Variants in FER1L5 observed in about 807,000 individuals in gnomAD.
FER1L5 encodes the protein fer-1-like protein 5.
Under a neutral mutation model 279.9 loss-of-function variants are expected in FER1L5, and 187 were observed. The observed-to-expected ratio is 0.67, with a 90% CI of 0.59 to 0.75. FER1L5 has a LOEUF of 0.75. FER1L5 is among the 30% of genes least tolerant of loss of function. FER1L5 has a pLI of 0.00. For missense variants in FER1L5, 2,091 were observed against 2,594.4 expected, an observed-to-expected ratio of 0.81 and a Z score of 4.21; for synonymous variants, 921 against 989.7, an observed-to-expected ratio of 0.93 and a Z score of 1.30.
At chr2:96,672,594 G>A (rs1223358790) in intron 18 of FER1L5, among the ~76,000 whole-genome samples, 3 of 152,072 alleles carry the variant, frequency 2.0e-5, no homozygotes, top group Non-Finnish European at 2.9e-5. Context: ...GAGAACAGCC[G>A]AAGTTGGGGG....
In FER1L5 at chr2:96,673,059, G is replaced by C. The variant is rs1157308423; in HGVS notation, c.1492-18G>C. On this transcript the variant is annotated intron_variant, in intron 18 of 52. Coordinates refer to ENST00000624922, the MANE Select transcript of FER1L5 (RefSeq NM_001293083.2). ...CTTATGTACTGGGTATGGGGGGTGG[G>C]GGCGGTTATTGTTTCAGAAGCACCA... 3.9e-6 allele frequency: 6 copies of C among 1,549,438 alleles called. No individual in the cohort carries two copies. The Admixed American group carries it at 7.9e-5, about 20-fold the overall frequency.
At chr2:96,686,404 G>A (rs2076927261) in intron 23 of FER1L5, 54 bp downstream of exon 23, 6 of 1,513,754 alleles carry the variant, frequency 4.0e-6, no homozygotes, top group Non-Finnish European at 5.3e-6. Context: ...GCCCCCAGGG[G>A]AGCCCCCTGA....
At position 96,684,424 on chromosome 2, in the gene FER1L5, C is replaced by T; in HGVS notation, c.1767C>T (p.Asn589=). ...EDVSFRMNCL[N]LLHFTRDRLK... is the part of the protein sequence containing the mutation. ...TCAGCTTCCGCATGAACTGCCTCAA[C>T]CTCCTCCACTTCACTCGGGACCGCC... Residue 589 remains asparagine (N), a synonymous_variant, in exon 20 of 53, where the codon AAC becomes AAT. Coordinates refer to ENST00000624922, the MANE Select transcript of FER1L5 (RefSeq NM_001293083.2). The T allele has an allele frequency of 1.3e-6, 2 of 1,551,632 alleles. No individual in the cohort carries two copies. Among genetic ancestry groups the T allele is most frequent in the Non-Finnish European group, 1.7e-6 (2 of 1,146,976 alleles).
intron 1 of FER1L5, among the ~76,000 whole-genome samples, chr2:96,644,398 C>A (rs1214116821): frequency 6.6e-6 from 1 of 151,676 alleles, no homozygotes; most frequent in African/African-American, 2.4e-5. Context: ...AGGAGAATGG[C>A]GTGAACCCGG....
intron 19 of FER1L5, among the ~76,000 whole-genome samples, chr2:96,683,806 G>A (rs1027360118): frequency 6.6e-6 from 1 of 152,200 alleles, no homozygotes; most frequent in African/African-American, 2.4e-5. Context: ...AGGCCAACTC[G>A]GCAGCAGTGC....
intron 39 of FER1L5, 58 bp downstream of exon 39, chr2:96,697,819 G>A: frequency 6.3e-7 from 1 of 1,577,636 alleles, no homozygotes; most frequent in African/African-American, 1.3e-5. Context: ...GAGGCCAGCA[G>A]AGCTAGCCTT....
At chr2:96,678,301 T>C (rs1442605970) in intron 19 of FER1L5, among the ~76,000 whole-genome samples, 1 of 152,084 alleles carries the variant, frequency 6.6e-6, no homozygotes, top group Non-Finnish European at 1.5e-5. Context: ...GGCTAGATTT[T>C]GTATTTTTCG....
chr2:96,651,237 C>CTCTG (rs1553446609), intron 6 of FER1L5, among the ~76,000 whole-genome samples: 2 of 128,518 alleles, frequency 1.6e-5, no homozygotes, highest in African/African-American at 6.0e-5. Context: ...TTCTTTCTTT[C>CTCTG]TCTTTCTTTC....
chr2:96,692,019 C>CA (rs1048996653), intron 30 of FER1L5, 56 bp downstream of exon 30: 18 of 890,256 alleles, frequency 2.0e-5, no homozygotes, highest in South Asian at 1.6e-4. Flanking sequence ...TACCCGAGGG[C>CA]GGGGGGGGGG....
Position 96,679,210 on chromosome 2 carries a change from T to C in FER1L5, c.1670-5117T>C, listed in dbSNP as rs1019193775. On this transcript the variant is annotated intron_variant, in intron 19 of 52. Transcript: ENST00000624922. ...AATTTTTTAAAAAATTAGCTGGGCA[T>C]GGCGACACACACCTATAGTTTTTTT... Among the ~76,000 whole-genome samples the C allele has an allele frequency of 2.0e-5, 3 of 151,078 alleles. No individual in the cohort carries two copies. In the East Asian group the frequency reaches 5.8e-4, roughly 29 times the overall value.
At chr2:96,679,364 C>T (rs2076631583) in intron 19 of FER1L5, among the ~76,000 whole-genome samples, 1 of 152,150 alleles carries the variant, frequency 6.6e-6, no homozygotes, top group Non-Finnish European at 1.5e-5. Flanking sequence ...GCTGAGATTA[C>T]AGGCGCGTGT....
chr2:96,700,026 C>G lies in FER1L5; in HGVS notation c.4876C>G (p.Pro1626Ala), dbSNP rs1180979269. 6.2e-7 allele frequency: 1 copy of G among 1,613,870 alleles called. No homozygotes were observed. Among genetic ancestry groups the G allele is most frequent in the Admixed American group, 1.7e-5 (1 of 60,004 alleles). ...RKGLPPPLFS[P>A]EEDAVFYNGK... ...AGGGCTACCTCCGCCTCTGTTCAGTCCTGAGGAAGATGCTGTTTTCTATAA... is the reference window on the plus strand; with the variant it reads ...AGGGCTACCTCCGCCTCTGTTCAGTGCTGAGGAAGATGCTGTTTTCTATAA... The change falls in exon 44 of 53, where the codon CCT becomes GCT. Residue 1626 changes from proline (P) to alanine (A), a missense_variant. By Grantham distance (27) the Pro-to-Ala change is conservative. Coordinates refer to ENST00000624922, the MANE Select transcript of FER1L5 (RefSeq NM_001293083.2).
intron 18 of FER1L5, 34 bp downstream of exon 18, chr2:96,670,281 C>T: frequency 6.5e-7 from 1 of 1,549,182 alleles, no homozygotes; most frequent in Non-Finnish European, 8.7e-7. Context: ...CAGGGAAAAA[C>T]AAGAGCCCTG....
At chr2:96,672,319 G>T (rs1002460027) in intron 18 of FER1L5, among the ~76,000 whole-genome samples, 1 of 151,894 alleles carries the variant, frequency 6.6e-6, no homozygotes, top group Non-Finnish European at 1.5e-5. Flanking sequence ...CTTGTGATCC[G>T]CCCGCCTCAG....
exon 53 of FER1L5, chr2:96,704,882 CAGAG>C (rs2077727795): frequency 8.4e-6 from 5 of 598,492 alleles, no homozygotes; most frequent in Non-Finnish European, 1.2e-5. Flanking sequence ...AGTTCTATAA[CAGAG>C]AGCCATCTTG....
rs531069002 is a variant in FER1L5 at position 96,703,471 on chromosome 2, C to G, written c.5692-52C>G. 5.0e-6 allele frequency: 8 copies of G among 1,611,020 alleles called. No homozygotes were observed. The South Asian group carries it at 6.6e-5, about 13-fold the overall frequency. ...ATCCCGGGAAGAGGTCCTAAAACTA[C>G]CCGGCTCCTGCTGTCTGCACTCAGC... On this transcript the variant is annotated intron_variant, in intron 50 of 52. Transcript: ENST00000624922.
Position 96,704,321 on chromosome 2 carries a change from A to G in FER1L5, c.5908A>G (p.Ile1970Val). 6.2e-7 allele frequency: 1 copy of G among 1,613,928 alleles called. No individual in the cohort carries two copies. The highest frequency in any genetic ancestry group is 1.1e-5 in the South Asian group (1 of 91,082). Reference sequence around the variant, plus strand: ...ACTCATAGCCTTTATGGTCATATCGATTATAGCACTTATGCTGTTTAACTT... The same window carrying G: ...ACTCATAGCCTTTATGGTCATATCGGTTATAGCACTTATGCTGTTTAACTT... ...FKLIAFMVIS[I>V]IALMLFNFIY... The change falls in exon 52 of 53, where the codon ATT becomes GTT. Residue 1970 changes from isoleucine to valine, a missense_variant. Transcript: ENST00000624922.
At chr2:96,688,041 T>C (rs2076998919) in intron 24 of FER1L5, 94 bp downstream of exon 24, 2 of 1,491,204 alleles carry the variant, frequency 1.3e-6, no homozygotes, top group Non-Finnish European at 1.8e-6. Context: ...CTGCAGGGGA[T>C]TTGGCGTGAG....
intron 6 of FER1L5, 66 bp from the exon 7 acceptor site, chr2:96,651,826 T>A: frequency 6.5e-7 from 1 of 1,546,202 alleles, no homozygotes; most frequent in African/African-American, 1.4e-5. Flanking sequence ...TGTTTTCTTA[T>A]CAGAACAATG....
Sources: allele counts gnomAD v4.1 joint callset (sites outside exome capture counted in the v4.1 genomes callset), GRCh38; gene constraint gnomAD v4.1.1; transcripts MANE v1.5; gene names NCBI Gene and HGNC (gene_info 2026-07-23, HGNC 2026-07-21).